The following ARHGEF33 variants were observed in gnomAD, a reference collection of about 807,000 sequenced individuals.
ARHGEF33 encodes the protein Rho guanine nucleotide exchange factor 33, also known as DH and coiled-coil domain-containing protein ENSP00000381780.
A neutral mutation model predicts 101.9 loss-of-function variants in ARHGEF33; 72 were observed. That is an observed-to-expected ratio of 0.71 (90% CI 0.58 to 0.86). The LOEUF is 0.86. ARHGEF33 is among the 40% of genes least tolerant of loss of function. ARHGEF33 has a pLI of 0.00. For missense variants in ARHGEF33, 1,169 were observed against 1,111.3 expected (o/e 1.05, Z -0.74); for synonymous variants, 499 against 442.5 (o/e 1.13, Z -1.60).
chr2:38,962,756 C>G (rs545501622), intron 16 of ARHGEF33, among the ~76,000 whole-genome samples: 2 of 141,682 alleles, frequency 1.4e-5, no homozygotes, highest in African/African-American at 5.3e-5. Context: ...GGCTCACGCC[C>G]GTAATCCTAG....
chr2:38,898,614 C>G (rs534191103), intron 2 of ARHGEF33, among the ~76,000 whole-genome samples: 28 of 152,164 alleles, frequency 1.8e-4, no homozygotes, highest in Non-Finnish European at 2.9e-4. Context: ...TAAAGCCAGG[C>G]TTGCAGATAA....
At chr2:38,896,202 G>A (rs1164263978) in intron 2 of ARHGEF33, among the ~76,000 whole-genome samples, 1 of 152,176 alleles carries the variant, frequency 6.6e-6, no homozygotes, top group East Asian at 1.9e-4. Context: ...GCAGTGGTGT[G>A]ATCTTAGGTC....
chr2:38,960,023 AG>A lies in ARHGEF33; in HGVS notation c.1720del (p.Ala574ProfsTer132). ...GTGAAGGCGCTGGCCGGGCCCCTGCAGGCCATCCCGGAGATGGACTTCGAGT... is the reference window on the plus strand; with the variant it reads ...GTGAAGGCGCTGGCCGGGCCCCTGCAGCCATCCCGGAGATGGACTTCGAGT... ...QDVKALAGPL[Q>X]AIPEMDFESS... On this transcript the variant is annotated frameshift_variant, in exon 16 of 18. Transcript: ENST00000409978. LOFTEE classifies it high-confidence loss of function. 6.5e-7 allele frequency: 1 copy of A among 1,546,936 alleles called. No homozygotes were observed. The highest frequency in any genetic ancestry group is 8.7e-7 in the Non-Finnish European group (1 of 1,144,466).
At chr2:38,951,210 G>A (rs1367350658) in intron 11 of ARHGEF33, 89 bp downstream of exon 11, 6 of 1,304,122 alleles carry the variant, frequency 4.6e-6, no homozygotes, top group Admixed American at 2.3e-5. Flanking sequence ...TCTAGAAGCA[G>A]TGAATTTCAC....
rs550482542 is a variant in ARHGEF33 at position 38,915,995 on chromosome 2, C to A, written c.-85-3368C>A. On this transcript the variant is annotated intron_variant, in intron 2 of 17. Coordinates refer to ENST00000409978, the MANE Select transcript of ARHGEF33 (RefSeq NM_001145451.5). ...GAGCTATGATCATGCCATTGCACTC[C>A]AGCCTGGGAAGAGCAAGACTCTGTC... Among the ~76,000 whole-genome samples the A allele has an allele frequency of 1.9e-4, 29 of 152,198 alleles. No homozygotes were observed. In the South Asian group the frequency reaches 5.2e-3, roughly 27 times the overall value.
At chr2:38,972,659 A>G (rs1410964502) in intron 17 of ARHGEF33, among the ~76,000 whole-genome samples, 1 of 152,214 alleles carries the variant, frequency 6.6e-6, no homozygotes, top group African/African-American at 2.4e-5. Flanking sequence ...AATTCTGCCC[A>G]TTAATTCAGT....
chr2:38,907,860 A>AT (rs553491008), intron 2 of ARHGEF33, among the ~76,000 whole-genome samples: 1,407 of 131,710 alleles, frequency 0.011, 22 homozygotes, highest in African/African-American at 0.032. Flanking sequence ...CTCTGGGAGG[A>AT]TTTTTTTTTT....
intron 16 of ARHGEF33, 117 bp downstream of exon 16, chr2:38,960,765 G>T (rs1667912807): frequency 1.1e-6 from 1 of 870,712 alleles, no homozygotes; most frequent in Non-Finnish European, 1.4e-6. Flanking sequence ...GCTAGGGGGC[G>T]GCTGCGCGAG....
Position 38,966,074 on chromosome 2 carries a change from C to T in ARHGEF33, c.2412C>T (p.Phe804=), listed in dbSNP as rs1184969477. The stretch of plus-strand genomic sequence containing the variant: ...AAAGAGAAAGTGAACAAACATCTTT[C>T]AGCGATCAAAATCCCAGGCAAGACC... ...KEERESEQTS[F]SDQNPRQDQK... The change falls in exon 17 of 18, where the codon TTC becomes TTT. Residue 804 remains phenylalanine (F), a synonymous_variant. Coordinates refer to ENST00000409978, the MANE Select transcript of ARHGEF33 (RefSeq NM_001145451.5). 1.9e-6 allele frequency: 3 copies of T among 1,551,610 alleles called. No homozygotes were observed. The highest frequency in any genetic ancestry group is 2.7e-5 in the African/African-American group (2 of 73,048).
chr2:38,922,049 T>C, intron 4 of ARHGEF33, among the ~76,000 whole-genome samples: 1 of 151,982 alleles, frequency 6.6e-6, no homozygotes, highest in Non-Finnish European at 1.5e-5. Flanking sequence ...GCAGTAAGAG[T>C]CGTATGAGAT....
intron 9 of ARHGEF33, among the ~76,000 whole-genome samples, chr2:38,942,297 A>T (rs565873106): frequency 6.7e-6 from 1 of 150,306 alleles, no homozygotes; most frequent in African/African-American, 2.4e-5. Flanking sequence ...CCCCCTGAGT[A>T]GCTGGACGAC....
rs533175574 is a variant in ARHGEF33 at position 38,943,691 on chromosome 2, C to T, written c.791-210C>T. ...TTCCAGATGCTTCTCAGCAGATTTTCCAGCTGCAGATGGGGACACCAAGAC... is the reference window on the plus strand; with the variant it reads ...TTCCAGATGCTTCTCAGCAGATTTTTCAGCTGCAGATGGGGACACCAAGAC... On this transcript the variant is annotated intron_variant, in intron 9 of 17. Transcript: ENST00000409978. 1.6e-3 allele frequency among the ~76,000 whole-genome samples: 243 copies of T among 152,358 alleles called. 1 individual carries two copies. Among genetic ancestry groups the T allele is most frequent in the African/African-American group, 5.5e-3 (228 of 41,590 alleles).
intron 10 of ARHGEF33, among the ~76,000 whole-genome samples, chr2:38,949,190 C>T (rs911406306): frequency 2.0e-5 from 3 of 152,158 alleles, no homozygotes; most frequent in African/African-American, 7.2e-5. Flanking sequence ...ATTGTTCCAA[C>T]AAAGGTTTGC....
chr2:38,958,550 C>T (rs558985433), intron 15 of ARHGEF33, among the ~76,000 whole-genome samples: 8 of 152,282 alleles, frequency 5.3e-5, no homozygotes, highest in Admixed American at 2.6e-4. Context: ...CTGCACTCTG[C>T]GTATGGAAAA....
At chr2:38,951,271 A>C in intron 11 of ARHGEF33, 150 bp downstream of exon 11, 48 of 780,914 alleles carry the variant, frequency 6.1e-5, no homozygotes, top group Non-Finnish European at 8.9e-5. Context: ...CATACAGATC[A>C]TGGAATGATT....
intron 2 of ARHGEF33, among the ~76,000 whole-genome samples, chr2:38,913,118 C>G (rs560058144): frequency 5.7e-4 from 87 of 151,510 alleles, no homozygotes; most frequent in Non-Finnish European, 1.1e-3. Flanking sequence ...CTCACTGCAG[C>G]CTTGAACTAC....
At chr2:38,945,656 T>C (rs1667428417) in intron 10 of ARHGEF33, among the ~76,000 whole-genome samples, 1 of 152,266 alleles carries the variant, frequency 6.6e-6, no homozygotes, top group East Asian at 1.9e-4. Flanking sequence ...AAAGGCGGTG[T>C]ACCCTTTGGT....
intron 2 of ARHGEF33, among the ~76,000 whole-genome samples, chr2:38,903,534 G>A (rs911185248): frequency 1.3e-5 from 2 of 152,056 alleles, no homozygotes; most frequent in African/African-American, 4.8e-5. Flanking sequence ...AGGGGACAAA[G>A]GCAAGCCCTC....
chr2:38,936,428 G>C (rs1429260908), intron 8 of ARHGEF33, among the ~76,000 whole-genome samples: 2 of 152,110 alleles, frequency 1.3e-5, no homozygotes, highest in Admixed American at 6.6e-5. Context: ...CTTCCCAGGA[G>C]TGCTCCAGCA....
Sources: allele counts gnomAD v4.1 joint callset (sites outside exome capture counted in the v4.1 genomes callset), GRCh38; gene constraint gnomAD v4.1.1; transcripts MANE v1.5; gene names NCBI Gene and HGNC (gene_info 2026-07-23, HGNC 2026-07-21).